Variants in IGF1R observed in about 807,000 individuals in gnomAD.
IGF1R encodes insulin like growth factor 1 receptor, also known as insulin-like growth factor 1 receptor.
Under a neutral mutation model 144.6 loss-of-function variants are expected in IGF1R, and 44 were observed. That is an observed-to-expected ratio of 0.30 (90% CI 0.24 to 0.39). The LOEUF is 0.39. Among genes scored for constraint, IGF1R ranks in the 10% least tolerant of loss-of-function variants. The pLI is 1.00. For missense variants in IGF1R, 1,355 were observed against 1,833.7 expected (o/e 0.74, Z 4.77); for synonymous variants, 795 against 722.8 (o/e 1.10, Z -1.60).
intron 2 of IGF1R, among the ~76,000 whole-genome samples, chr15:98,819,123 G>C (rs551655964): frequency 3.7e-4 from 56 of 152,190 alleles, no homozygotes; most frequent in African/African-American, 1.1e-3. Context: ...AGACATCCAG[G>C]GGGGGCAAGC....
intron 2 of IGF1R, among the ~76,000 whole-genome samples, chr15:98,770,749 C>T (rs920142310): frequency 6.6e-6 from 1 of 152,086 alleles, no homozygotes; most frequent in Non-Finnish European, 1.5e-5. Flanking sequence ...TCTCTCAGGT[C>T]CCTCCCGCTC....
In IGF1R at chr15:98,649,695, C is replaced by A; in HGVS notation, c.94+20C>A. ...GAGAAAGTGAGTATGTGCCCGCCGC[C>A]CGCGGCCACTGCGGGAACTTTTCCT... On this transcript the variant is annotated intron_variant, in intron 1 of 20. Transcript: ENST00000650285. The A allele has an allele frequency of 6.3e-7, 1 of 1,580,306 alleles. No individual in the cohort carries two copies. The highest frequency in any genetic ancestry group is 2.2e-5 in the East Asian group (1 of 44,454).
intron 19 of IGF1R, among the ~76,000 whole-genome samples, chr15:98,946,802 T>C (rs1258059118): frequency 6.6e-6 from 1 of 151,930 alleles, no homozygotes; most frequent in Middle Eastern, 3.4e-3. Flanking sequence ...ACTGGCTGCC[T>C]GCAAGCCGCT....
At chr15:98,956,469 G>A (rs1313237987) in intron 20 of IGF1R, among the ~76,000 whole-genome samples, 1 of 152,244 alleles carries the variant, frequency 6.6e-6, no homozygotes, top group African/African-American at 2.4e-5. Context: ...GGAGACAGCA[G>A]ACTCGGAGTG....
chr15:98,861,106 T>G (rs901383056), intron 2 of IGF1R, among the ~76,000 whole-genome samples: 7 of 152,088 alleles, frequency 4.6e-5, no homozygotes, highest in African/African-American at 1.7e-4. Context: ...TCATGATAGT[T>G]GCTGGAATAA....
At chr15:98,879,995 G>A (rs1215786639) in intron 2 of IGF1R, among the ~76,000 whole-genome samples, 3 of 152,162 alleles carry the variant, frequency 2.0e-5, no homozygotes. Flanking sequence ...CATGGCTAAC[G>A]GGTATTGGGT....
At position 98,935,799 on chromosome 15, in the gene IGF1R, C is replaced by T. The variant is rs114401546; in HGVS notation, c.3297+373C>T. ...GTAGCTATCTTCTCTGCTAACTTCT[C>T]GATGCGCTTGACTCACATCCTCGTA... On this transcript the variant is annotated intron_variant, in intron 17 of 20. Transcript: ENST00000650285. The surrounding 1 kb of genome is among the most constrained non-coding windows in gnomAD (Gnocchi z 4.2). Among the ~76,000 whole-genome samples, 17 of 152,230 alleles carry T rather than the reference C, an allele frequency of 1.1e-4. No individual in the cohort carries two copies. Among genetic ancestry groups the T allele is most frequent in the African/African-American group, 3.4e-4 (14 of 41,542 alleles).
chr15:98,721,948 G>A (rs1206204429), intron 2 of IGF1R, among the ~76,000 whole-genome samples: 1 of 152,088 alleles, frequency 6.6e-6, no homozygotes, highest in African/African-American at 2.4e-5. Context: ...AAGTGGAAGC[G>A]AACACATTGT....
Position 98,960,138 on chromosome 15 carries a change from C to T in IGF1R, c.*2696C>T, listed in dbSNP as rs371171245. On this transcript the variant is annotated 3_prime_UTR_variant, in exon 21 of 21. Transcript: ENST00000650285. ...CCTTTCTCAGCACCTGACAATAGGC[C>T]GTTGATACTGGTAACCTCATCCACG... 2.6e-5 allele frequency: 6 copies of T among 233,526 alleles called. No homozygotes were observed. The South Asian group carries it at 5.4e-4, about 21-fold the overall frequency. The allele number at this position is 233,526 out of a possible 1,614,324, so 14.5% of individuals were successfully genotyped here.
chr15:98,654,871 G>T (rs1006815756), intron 1 of IGF1R, among the ~76,000 whole-genome samples: 8 of 152,196 alleles, frequency 5.3e-5, no homozygotes, highest in Admixed American at 1.3e-4. Flanking sequence ...AGTGCCTAAT[G>T]AGTGATGCAC....
intron 1 of IGF1R, among the ~76,000 whole-genome samples, chr15:98,649,992 G>GCGGGCTCCGCGGTTCC (rs1387180191): frequency 1.8e-3 from 273 of 152,302 alleles, no homozygotes; most frequent in Middle Eastern, 0.017. Context: ...TGGTGCCGGG[G>GCGGGCTCCGCGGTTCC]CGGGCTCCGC....
intron 2 of IGF1R, among the ~76,000 whole-genome samples, chr15:98,793,429 T>A (rs1298653988): frequency 6.6e-6 from 1 of 152,242 alleles, no homozygotes. Context: ...GTTACTGTTA[T>A]CACTGTAGTA....
chr15:98,747,187 CGTTGTT>C (rs915181938), intron 2 of IGF1R, among the ~76,000 whole-genome samples: 3 of 101,996 alleles, frequency 2.9e-5, no homozygotes, highest in South Asian at 3.0e-4. Context: ...TTCAATTTGT[CGTTGTT>C]GTTGTTGTTG....
At position 98,963,102 on chromosome 15, in the gene IGF1R, A is replaced by G; in HGVS notation, c.*5660A>G. The G allele has an allele frequency of 4.3e-6, 1 of 233,542 alleles. No homozygotes were observed. The highest frequency in any genetic ancestry group is 5.6e-5 in the Admixed American group (1 of 17,792). The allele number at this position is 233,542 out of a possible 1,614,324, so 14.5% of individuals were successfully genotyped here. ...AAGAACTAATTAAATGTTTCATTGC[A>G]TTTTTGTAAGAACAGAATAATTTTA... On this transcript the variant is annotated 3_prime_UTR_variant, in exon 21 of 21. Coordinates refer to ENST00000650285, the MANE Select transcript of IGF1R (RefSeq NM_000875.5).
intron 2 of IGF1R, among the ~76,000 whole-genome samples, chr15:98,869,202 G>A (rs922156784): frequency 4.6e-5 from 7 of 151,694 alleles, no homozygotes; most frequent in African/African-American, 7.3e-5. Context: ...GTACTTATCC[G>A]CCAGGAAACT....
intron 15 of IGF1R, among the ~76,000 whole-genome samples, chr15:98,933,525 C>G: frequency 6.6e-6 from 1 of 151,960 alleles, no homozygotes; most frequent in Non-Finnish European, 1.5e-5. Context: ...TTAATAGAGA[C>G]AGTGTTTTGC....
At position 98,961,666 on chromosome 15, in the gene IGF1R, T is replaced by G. The variant is rs776196415; in HGVS notation, c.*4224T>G. The G allele has an allele frequency of 3.4e-5, 8 of 233,608 alleles. No homozygotes were observed. The highest frequency in any genetic ancestry group is 5.1e-5 in the Non-Finnish European group (6 of 118,056). 14.5% of individuals were successfully genotyped at this position (233,608 alleles called of 1,614,324 possible). A position where few individuals can be genotyped will look rare whatever the true frequency, so the allele number is the denominator to read the frequency against. ...GCACATCATGGAATTGATGTGAGCA[T>G]TAAGACGTTCTCCCACACAGCCCTT... is the stretch of plus-strand genomic sequence containing the variant. On this transcript the variant is annotated 3_prime_UTR_variant, in exon 21 of 21. Transcript: ENST00000650285.
intron 2 of IGF1R, among the ~76,000 whole-genome samples, chr15:98,821,366 G>C (rs1417462517): frequency 3.0e-4 from 45 of 151,774 alleles, no homozygotes. Context: ...ACCTCCCTTG[G>C]ATCTGGAACT....
Position 98,956,991 on chromosome 15 carries a change from C to T in IGF1R, c.3723-70C>T, listed in dbSNP as rs531792634. ...CTTGTATGCGGGAAACCACTGCAGGCGGCCCATGAAGCCTCCTGGCCATGT... is the reference window on the plus strand; with the variant it reads ...CTTGTATGCGGGAAACCACTGCAGGTGGCCCATGAAGCCTCCTGGCCATGT... On this transcript the variant is annotated intron_variant, in intron 20 of 20. Coordinates refer to ENST00000650285, the MANE Select transcript of IGF1R (RefSeq NM_000875.5). 8.3e-5 allele frequency: 127 copies of T among 1,534,390 alleles called. 1 individual carries two copies. The South Asian group carries it at 8.6e-4, about 10-fold the overall frequency.
Sources: gnomAD v4.1 joint callset for allele counts (sites outside exome capture counted in the v4.1 genomes callset) on GRCh38, gnomAD v4.1.1 for gene constraint, Gnocchi (gnomAD v3.1) non-coding constraint, MANE v1.5 for transcripts, NCBI Gene and HGNC (gene_info 2026-07-23, HGNC 2026-07-21) for gene names.